KAZN: variants seen among roughly 807,000 people sequenced by gnomAD.
KAZN encodes the protein kazrin.
Under a neutral mutation model 87.4 loss-of-function variants are expected in KAZN, and 40 were observed. The observed-to-expected ratio is 0.46, with a 90% CI of 0.36 to 0.60. The LOEUF (loss-of-function observed/expected upper bound fraction) is 0.60. Among genes scored for constraint, KAZN ranks in the 20% least tolerant of loss-of-function variants. KAZN has a pLI of 0.00. For missense variants in KAZN, 898 were observed against 1,073.9 expected (o/e 0.84, Z 2.29); for synonymous variants, 466 against 458.3 (o/e 1.02, Z -0.22).
intron 2 of KAZN, among the ~76,000 whole-genome samples, chr1:14,267,276 C>T (rs561466498): frequency 6.6e-6 from 1 of 150,392 alleles, no homozygotes; most frequent in African/African-American, 2.5e-5. Context: ...GGAGGGGTGT[C>T]CAAACTTTTG....
intron 1 of KAZN, among the ~76,000 whole-genome samples, chr1:14,837,550 A>ATTTTTTTTT (rs1164233693): frequency 1.7e-5 from 2 of 117,696 alleles, no homozygotes; most frequent in African/African-American, 6.5e-5. Context: ...TAGCTGTATA[A>ATTTTTTTTT]TTTTTTTTTT....
intron 1 of KAZN, among the ~76,000 whole-genome samples, chr1:14,037,535 A>C (rs2101373450): frequency 6.6e-6 from 1 of 152,256 alleles, no homozygotes. Context: ...CTGAGTCCTG[A>C]TGTGCACAGC....
intron 2 of KAZN, among the ~76,000 whole-genome samples, chr1:14,269,850 G>A (rs192917208): frequency 1.5e-4 from 23 of 152,316 alleles, no homozygotes; most frequent in Admixed American, 3.3e-4. Context: ...TGAAAAAACC[G>A]TCAGCTCTGA....
chr1:14,932,822 A>G (rs1660004934), intron 1 of KAZN, among the ~76,000 whole-genome samples: 1 of 151,988 alleles, frequency 6.6e-6, no homozygotes. Flanking sequence ...GGTAAAATGT[A>G]TGTAACATAA....
intron 1 of KAZN, among the ~76,000 whole-genome samples, chr1:14,027,595 A>G (rs1557791527): frequency 6.6e-6 from 1 of 152,198 alleles, no homozygotes; most frequent in Non-Finnish European, 1.5e-5. Context: ...CTGTGTTCCT[A>G]CATAGAAAGT....
At chr1:13,974,890 C>A (rs949993861) in intron 1 of KAZN, among the ~76,000 whole-genome samples, 5 of 152,076 alleles carry the variant, frequency 3.3e-5, no homozygotes, top group African/African-American at 1.2e-4. Context: ...CTCACACAGA[C>A]CTTCAAGACT....
intron 2 of KAZN, among the ~76,000 whole-genome samples, chr1:14,583,915 G>A (rs1035726203): frequency 1.3e-5 from 2 of 152,186 alleles, no homozygotes; most frequent in Admixed American, 6.5e-5. Context: ...CATCTAGGAA[G>A]TCAAGGCTGG....
At chr1:14,206,742 G>A (rs560458280) in intron 2 of KAZN, among the ~76,000 whole-genome samples, 8 of 141,668 alleles carry the variant, frequency 5.6e-5, no homozygotes, top group East Asian at 4.1e-4. Flanking sequence ...AGAAGCACTC[G>A]TGAGCATTTT....
intron 1 of KAZN, among the ~76,000 whole-genome samples, chr1:13,966,009 G>A (rs1641928869): frequency 6.6e-6 from 1 of 152,138 alleles, no homozygotes; most frequent in South Asian, 2.1e-4. Flanking sequence ...ACAGCAAAAA[G>A]CAGGGAGAGG....
intron 1 of KAZN, among the ~76,000 whole-genome samples, chr1:13,944,414 G>A (rs12133848): frequency 0.14 from 21,133 of 152,146 alleles, 1,566 homozygotes; most frequent in Middle Eastern, 0.22. Context: ...GGATTTTATC[G>A]GGGGGTAAAT....
chr1:14,390,416 A>C (rs1662319140), intron 2 of KAZN, among the ~76,000 whole-genome samples: 1 of 152,252 alleles, frequency 6.6e-6, no homozygotes, highest in Non-Finnish European at 1.5e-5. Context: ...AAAATGTTGC[A>C]TAGGGAAGCC....
intron 1 of KAZN, among the ~76,000 whole-genome samples, chr1:14,002,415 C>T (rs1639835995): frequency 6.6e-6 from 1 of 152,168 alleles, no homozygotes; most frequent in African/African-American, 2.4e-5. Context: ...GTGAATAAGT[C>T]TCACAAGATC....
chr1:14,705,678 A>T (rs1196919664), intron 1 of KAZN, among the ~76,000 whole-genome samples: 1 of 152,190 alleles, frequency 6.6e-6, no homozygotes, highest in Non-Finnish European at 1.5e-5. Context: ...CAAGCCAGGA[A>T]CTGAGAGTTA....
intron 4 of KAZN, among the ~76,000 whole-genome samples, chr1:15,050,162 A>ATAGAG (rs1189417828): frequency 5.2e-5 from 2 of 38,606 alleles, no homozygotes; most frequent in Non-Finnish European, 9.5e-5. Context: ...ATAGAATGGA[A>ATAGAG]TAGAATAGAA....
At chr1:14,950,745 C>T (rs1433192485) in intron 1 of KAZN, among the ~76,000 whole-genome samples, 3 of 152,092 alleles carry the variant, frequency 2.0e-5, no homozygotes, top group Non-Finnish European at 4.4e-5. Context: ...GATGCTGGGT[C>T]AGCTGAGCAA....
chr1:14,478,245 G>A (rs928605075), intron 2 of KAZN, among the ~76,000 whole-genome samples: 77 of 112,282 alleles, frequency 6.9e-4, no homozygotes, highest in Non-Finnish European at 1.2e-3. Context: ...AGGAAGGAAG[G>A]AAAAGAAGGA....
intron 1 of KAZN, among the ~76,000 whole-genome samples, chr1:14,054,838 A>C (rs1642483056): frequency 6.6e-6 from 1 of 152,236 alleles, no homozygotes; most frequent in African/African-American, 2.4e-5. Context: ...TCAGAGAAGC[A>C]CATAAGCTAG....
At chr1:15,067,272 C>T in intron 8 of KAZN, 2 of 985,584 alleles carry the variant, frequency 2.0e-6, no homozygotes, top group Non-Finnish European at 2.4e-6. Context: ...TTAGAATCTC[C>T]CAGGATCCCT....
At chr1:13,987,321 G>GC (rs146274554) in intron 1 of KAZN, among the ~76,000 whole-genome samples, 1,961 of 151,984 alleles carry the variant, frequency 0.013, 37 homozygotes, top group African/African-American at 0.044. Flanking sequence ...CCCTCCTCTT[G>GC]CCCCCCTACC....
Sources: gnomAD v4.1 joint callset for allele counts (sites outside exome capture counted in the v4.1 genomes callset) on GRCh38, gnomAD v4.1.1 for gene constraint, MANE v1.5 for transcripts, NCBI Gene and HGNC (gene_info 2026-07-23, HGNC 2026-07-21) for gene names.